The following ASB9 variants were observed in gnomAD, a reference collection of about 807,000 sequenced individuals.
The protein encoded by ASB9 is ankyrin repeat and SOCS box containing 9.
A neutral mutation model predicts 16.6 loss-of-function variants in ASB9; 5 were observed. That is an observed-to-expected ratio of 0.30 (90% CI 0.16 to 0.63). ASB9 has a LOEUF of 0.63. Ranked by LOEUF, ASB9 falls within the 30% of genes least tolerant of loss-of-function variation. The pLI is 0.82. For missense variants in ASB9, 216 were observed against 229.4 expected (o/e 0.94, Z 0.38); for synonymous variants, 100 against 86.4 (o/e 1.16, Z -0.87).
Position 15,250,488 on chromosome X carries a change from T to C in ASB9, c.510A>G (p.Pro170=). The part of the protein sequence containing the change: ...IDHKISHLGT[P]LYLACENQQR... ...GTTGGTTTTCACAAGCCAAATAGAG[T>C]GGAGTGCCCAGGTGGCTGATCTTAT... Residue 170 remains proline, a synonymous_variant, in exon 5 of 7, where the codon CCA becomes CCG. Coordinates refer to ENST00000380488, the MANE Select transcript of ASB9 (RefSeq NM_001031739.3). The C allele has an allele frequency of 8.3e-7, 1 of 1,209,804 alleles. No individual in the cohort carries two copies. The highest frequency in any genetic ancestry group is 1.7e-5 in the African/African-American group (1 of 57,782).
intron 6 of ASB9, 49 bp from the exon 7 acceptor site, chrX:15,244,679 G>A: frequency 1.9e-6 from 2 of 1,032,129 alleles, no homozygotes; most frequent in Non-Finnish European, 2.5e-6. Flanking sequence ...ATTGATCTAA[G>A]ACTCCTTTTT....
At chrX:15,262,943 T>G (rs148263060) in intron 1 of ASB9, among the ~76,000 whole-genome samples, 4,545 of 112,452 alleles carry the variant, frequency 0.04, 94 homozygotes, top group Non-Finnish European at 0.061. Flanking sequence ...AGTTTAACAT[T>G]TTTCTAACAT....
At chrX:15,253,265 A>G (rs1925273503) in intron 3 of ASB9, among the ~76,000 whole-genome samples, 1 of 108,655 alleles carries the variant, frequency 9.2e-6, no homozygotes, top group Admixed American at 9.8e-5. Context: ...AAACGTATAT[A>G]GTCAATGGAC....
chrX:15,250,624 A>G (rs1925034343), intron 4 of ASB9, 60 bp from the exon 5 acceptor site: 2 of 1,088,133 alleles, frequency 1.8e-6, no homozygotes, highest in Non-Finnish European at 2.5e-6. Flanking sequence ...CTAGAAAGAC[A>G]TTGCCATCCC....
chrX:15,256,773 C>A (rs1925592565), intron 2 of ASB9, among the ~76,000 whole-genome samples: 6 of 51,367 alleles, frequency 1.2e-4, no homozygotes, highest in Admixed American at 1.0e-3. Flanking sequence ...AAGACTCCGT[C>A]TCAAAAAAAA....
chrX:15,268,695 G>GGCGTAAACCACCGTGCCCC (rs1926748544), intron 1 of ASB9, among the ~76,000 whole-genome samples: 1 of 108,056 alleles, frequency 9.3e-6, no homozygotes, highest in African/African-American at 3.4e-5. Context: ...TGGGATTACA[G>GGCGTAAACCACCGTGCCCC]GCGTAAACCA....
chrX:15,258,862 C>G lies in ASB9; in HGVS notation c.174+4G>C. On this transcript the variant is annotated splice_donor_region_variant and intron_variant, in intron 2 of 6. Coordinates refer to ENST00000380488, the MANE Select transcript of ASB9 (RefSeq NM_001031739.3). Reference sequence around the variant, plus strand: ...TCTTCTGTATTGTATTTTCAAAAAGCTACCTGGCTGATGAGGTTCCTCAGA... The same window carrying G: ...TCTTCTGTATTGTATTTTCAAAAAGGTACCTGGCTGATGAGGTTCCTCAGA... 1 of 1,205,226 alleles carries G rather than the reference C, an allele frequency of 8.3e-7. No homozygotes were observed. Among genetic ancestry groups the G allele is most frequent in the East Asian group, 3.0e-5 (1 of 33,817 alleles).
intron 1 of ASB9, among the ~76,000 whole-genome samples, chrX:15,261,431 C>G (rs1341903402): frequency 9.0e-6 from 1 of 111,713 alleles, no homozygotes; most frequent in African/African-American, 3.3e-5. Context: ...TCTCTTAGAG[C>G]TCCCTAAGAT....
At chrX:15,251,225 C>T (rs192100451) in intron 4 of ASB9, among the ~76,000 whole-genome samples, 1 of 111,432 alleles carries the variant, frequency 9.0e-6, no homozygotes, top group East Asian at 2.8e-4. Flanking sequence ...AGGAACAGGA[C>T]CTGAAGGTGG....
At chrX:15,262,654 C>T (rs1024974130) in intron 1 of ASB9, among the ~76,000 whole-genome samples, 5 of 112,780 alleles carry the variant, frequency 4.4e-5, no homozygotes, top group Middle Eastern at 4.6e-3. Flanking sequence ...TTTTTTGAGA[C>T]GGAGTCTCAT....
At chrX:15,254,275 T>C (rs914635646) in intron 3 of ASB9, among the ~76,000 whole-genome samples, 21 of 112,269 alleles carry the variant, frequency 1.9e-4, no homozygotes, top group African/African-American at 6.5e-4. Flanking sequence ...AAGCCCATAA[T>C]TTTCCCCAAC....
intron 2 of ASB9, 34 bp from the exon 3 acceptor site, chrX:15,254,878 C>T: frequency 9.0e-7 from 1 of 1,115,250 alleles, no homozygotes. Flanking sequence ...GTAAGGGGTG[C>T]AAAGCAACAG....
At chrX:15,259,941 C>A (rs1403818395) in intron 1 of ASB9, among the ~76,000 whole-genome samples, 1 of 111,961 alleles carries the variant, frequency 8.9e-6, no homozygotes, top group Non-Finnish European at 1.9e-5. Flanking sequence ...TGCAAATATT[C>A]CAACATCTGA....
chrX:15,254,854 G>A lies in ASB9; in HGVS notation c.175-10C>T. On this transcript the variant is annotated splice_polypyrimidine_tract_variant and intron_variant, in intron 2 of 6. Coordinates refer to ENST00000380488, the MANE Select transcript of ASB9 (RefSeq NM_001031739.3). ...TGTTCACAGCCCACCCCTGAAGGAG[G>A]GGAAACAGTCAGAGTAAGGGGTGCA... 8.4e-7 allele frequency: 1 copy of A among 1,192,232 alleles called. No homozygotes were observed. The highest frequency in any genetic ancestry group is 1.1e-6 in the Non-Finnish European group (1 of 878,134).
At chrX:15,252,107 G>A (rs920736584) in intron 4 of ASB9, 147 bp downstream of exon 4, 8 of 593,464 alleles carry the variant, frequency 1.3e-5, no homozygotes, top group Non-Finnish European at 2.0e-5. Flanking sequence ...ATCTGCATTT[G>A]CAGGCCAGGT....
intron 2 of ASB9, among the ~76,000 whole-genome samples, chrX:15,257,210 GACC>G (rs1270500188): frequency 9.0e-6 from 1 of 111,343 alleles, no homozygotes; most frequent in African/African-American, 3.3e-5. Context: ...AGCAGTTTGA[GACC>G]AGCCTGACCA....
intron 1 of ASB9, among the ~76,000 whole-genome samples, chrX:15,263,232 C>T (rs1291103706): frequency 9.0e-6 from 1 of 110,988 alleles, no homozygotes; most frequent in Admixed American, 9.6e-5. Context: ...TTTGCAAAGT[C>T]AAGGAGACAA....
chrX:15,266,799 G>A (rs1427734067), intron 1 of ASB9, among the ~76,000 whole-genome samples: 22 of 109,572 alleles, frequency 2.0e-4, no homozygotes, highest in East Asian at 5.8e-4. Context: ...AGCCGGGCGT[G>A]GTGGCGGGCG....
chrX:15,268,189 G>A (rs1263539795), intron 1 of ASB9, among the ~76,000 whole-genome samples: 1 of 108,349 alleles, frequency 9.2e-6, no homozygotes, highest in Non-Finnish European at 1.9e-5. Context: ...AAAATTAGCC[G>A]GGTGTGGTGG....
Sources: gnomAD v4.1 joint callset for allele counts (sites outside exome capture counted in the v4.1 genomes callset) on GRCh38, gnomAD v4.1.1 for gene constraint, MANE v1.5 for transcripts, NCBI Gene and HGNC (gene_info 2026-07-23, HGNC 2026-07-21) for gene names.